Variants in MAGI2 observed in about 807,000 individuals in gnomAD.
MAGI2 encodes membrane associated guanylate kinase, WW and PDZ domain containing 2.
Under a neutral mutation model 133.3 loss-of-function variants are expected in MAGI2, and 35 were observed. The observed-to-expected ratio is 0.26, with a 90% confidence interval of 0.20 to 0.35. The LOEUF (loss-of-function observed/expected upper bound fraction) is 0.35. Ranked by LOEUF, MAGI2 falls within the 10% of genes least tolerant of loss-of-function variation. MAGI2 has a pLI of 1.00. For missense variants in MAGI2, 1,636 were observed against 1,863.4 expected (o/e 0.88, Z 2.25); for synonymous variants, 729 against 710.6 (o/e 1.03, Z -0.41).
intron 2 of MAGI2, among the ~76,000 whole-genome samples, chr7:78,818,346 C>T (rs1421675693): frequency 6.6e-6 from 1 of 152,106 alleles, no homozygotes; most frequent in Non-Finnish European, 1.5e-5. Context: ...CCTCTATATT[C>T]TGTTTTTTAT....
chr7:79,290,847 A>G (rs1585446492), intron 1 of MAGI2, among the ~76,000 whole-genome samples: 1 of 152,108 alleles, frequency 6.6e-6, no homozygotes, highest in East Asian at 1.9e-4. Flanking sequence ...TTAAAATAAT[A>G]GTTTTATTGA....
intron 1 of MAGI2, among the ~76,000 whole-genome samples, chr7:79,226,882 T>C (rs1830906882): frequency 6.6e-6 from 1 of 152,168 alleles, no homozygotes. Flanking sequence ...AAATACAAAA[T>C]GATTAGAATA....
intron 2 of MAGI2, among the ~76,000 whole-genome samples, chr7:78,876,607 T>A (rs895117413): frequency 3.9e-5 from 6 of 152,068 alleles, no homozygotes; most frequent in Non-Finnish European, 7.4e-5. Context: ...GGAAGGGATA[T>A]GAATGTTGAA....
chr7:78,458,628 T>G (rs1371299402), intron 6 of MAGI2, among the ~76,000 whole-genome samples: 2 of 135,408 alleles, frequency 1.5e-5, no homozygotes, highest in African/African-American at 5.5e-5. Context: ...CTGCAATCTG[T>G]TTTTTGTTAG....
intron 2 of MAGI2, among the ~76,000 whole-genome samples, chr7:78,716,889 C>T (rs1275889841): frequency 6.6e-6 from 1 of 152,128 alleles, no homozygotes; most frequent in Non-Finnish European, 1.5e-5. Context: ...GGTAAGAGGA[C>T]CTCAGGTAAC....
chr7:79,100,644 A>AT (rs1320617728), intron 1 of MAGI2, among the ~76,000 whole-genome samples: 1 of 151,596 alleles, frequency 6.6e-6, no homozygotes, highest in Non-Finnish European at 1.5e-5. Flanking sequence ...TTAAGTTAAA[A>AT]TTTTTTAAAA....
intron 1 of MAGI2, among the ~76,000 whole-genome samples, chr7:79,243,200 C>A (rs1406160): frequency 0.51 from 77,127 of 151,514 alleles, 21,237 homozygotes; most frequent in Non-Finnish European, 0.63. Flanking sequence ...CCCCATACAG[C>A]ATCAGCTCAC....
chr7:78,177,864 A>G, intron 14 of MAGI2, 147 bp downstream of exon 14: 1 of 541,800 alleles, frequency 1.8e-6, no homozygotes, highest in Non-Finnish European at 3.3e-6. Context: ...TAAAGAAAAC[A>G]GCAAGGAAAA....
chr7:78,058,558 G>T (rs1422653413), intron 21 of MAGI2, among the ~76,000 whole-genome samples: 1 of 149,824 alleles, frequency 6.7e-6, no homozygotes, highest in Non-Finnish European at 1.5e-5. Context: ...TGCAAACTCC[G>T]CCTCCCGGGT....
At chr7:79,010,072 T>C (rs992216945) in intron 1 of MAGI2, among the ~76,000 whole-genome samples, 1 of 152,096 alleles carries the variant, frequency 6.6e-6, no homozygotes, top group Non-Finnish European at 1.5e-5. Flanking sequence ...TGCATATGTA[T>C]ATATACACAT....
At chr7:78,059,735 G>C (rs1346017997) in intron 21 of MAGI2, among the ~76,000 whole-genome samples, 1 of 151,060 alleles carries the variant, frequency 6.6e-6, no homozygotes, top group Non-Finnish European at 1.5e-5. Flanking sequence ...GTGAGATGGA[G>C]AGCTCCTCGA....
At chr7:78,661,624 T>C (rs1342085260) in intron 2 of MAGI2, among the ~76,000 whole-genome samples, 5 of 152,236 alleles carry the variant, frequency 3.3e-5, no homozygotes, top group African/African-American at 9.6e-5. Flanking sequence ...CTGTCATCCC[T>C]CACTCAACTA....
chr7:79,272,022 A>G (rs1834915692), intron 1 of MAGI2, among the ~76,000 whole-genome samples: 1 of 152,130 alleles, frequency 6.6e-6, no homozygotes, highest in South Asian at 2.1e-4. Context: ...AAAAACACTG[A>G]GTTGTGGTTT....
At chr7:78,378,701 C>T (rs1030816679) in intron 6 of MAGI2, among the ~76,000 whole-genome samples, 2 of 151,996 alleles carry the variant, frequency 1.3e-5, no homozygotes, top group African/African-American at 4.8e-5. Context: ...CCCAAGATCC[C>T]TTCCTGACAC....
chr7:78,738,061 A>G (rs115522428), intron 2 of MAGI2, among the ~76,000 whole-genome samples: 1,858 of 66,618 alleles, frequency 0.028, 47 homozygotes, highest in African/African-American at 0.1. Context: ...AACAGAAAAA[A>G]GCTTTGGTAC....
intron 2 of MAGI2, among the ~76,000 whole-genome samples, chr7:78,703,849 C>G (rs772811052): frequency 5.3e-4 from 81 of 151,534 alleles, no homozygotes; most frequent in Non-Finnish European, 4.1e-4. Context: ...CACACACACA[C>G]TTTTCTTCAA....
Position 78,630,494 on chromosome 7 carries a change from G to A in MAGI2, c.419-3255C>T, listed in dbSNP as rs193245497. Among the ~76,000 whole-genome samples, 581 of 140,064 alleles carry A rather than the reference G, an allele frequency of 4.1e-3. 3 individuals carry two copies. The highest frequency in any genetic ancestry group is 0.015 in the African/African-American group (546 of 37,398). 91.9% of individuals were successfully genotyped at this position (140,064 alleles called of 152,430 possible). On this transcript the variant is annotated intron_variant, in intron 2 of 21. Coordinates refer to ENST00000354212, the MANE Select transcript of MAGI2 (RefSeq NM_012301.4). ...TGCAGTGGTGTGATCACGGCTCACT[G>A]CAACTTCTGCCTCCAGGGTTCAAGT...
chr7:78,927,428 A>C (rs891951964), intron 2 of MAGI2, among the ~76,000 whole-genome samples: 2 of 152,024 alleles, frequency 1.3e-5, no homozygotes, highest in African/African-American at 4.8e-5. Flanking sequence ...TCATTTAGGA[A>C]GTTAGTGGTG....
chr7:78,086,874 A>T (rs1436288765), intron 20 of MAGI2, among the ~76,000 whole-genome samples: 1 of 151,762 alleles, frequency 6.6e-6, no homozygotes, highest in Non-Finnish European at 1.5e-5. Flanking sequence ...AGCTCAAGTG[A>T]TCCACCCATT....
Sources: allele counts gnomAD v4.1 joint callset (sites outside exome capture counted in the v4.1 genomes callset), GRCh38; gene constraint gnomAD v4.1.1; transcripts MANE v1.5; gene names NCBI Gene and HGNC (gene_info 2026-07-23, HGNC 2026-07-21).